Variants in FBXO34 observed in about 807,000 individuals in gnomAD.
FBXO34 encodes F-box protein 34, also known as F-box only protein 34.
FBXO34 carries 12 observed loss-of-function variants against 24.5 expected under a neutral mutation model. That is an observed-to-expected ratio of 0.49 (90% CI 0.31 to 0.79). FBXO34 has a LOEUF of 0.79. Ranked by LOEUF, FBXO34 falls within the 30% of genes least tolerant of loss-of-function variation. The pLI is 0.04. For missense variants in FBXO34, 823 were observed against 857.7 expected (o/e 0.96, Z 0.51); for synonymous variants, 320 against 311.9 (o/e 1.03, Z -0.27).
intron 1 of FBXO34, among the ~76,000 whole-genome samples, chr14:55,347,451 C>T (rs1884195743): frequency 6.6e-6 from 1 of 152,176 alleles, no homozygotes; most frequent in Admixed American, 6.6e-5. Flanking sequence ...CTATTTTCTG[C>T]CTCAGGGCTC....
Position 55,351,603 on chromosome 14 carries a change from G to T in FBXO34, c.1213G>T (p.Val405Leu). ...TAVKNSNRYD[V>L]EMTDELVGLP... ...CGTGAAAAACAGCAACAGATATGAT[G>T]TGGAAATGACAGATGAACTCGTTGG... The change falls in exon 2 of 2, where the codon GTG becomes TTG. Residue 405 changes from valine (V) to leucine (L), a missense_variant. Physicochemically the swap from Val to Leu is conservative, Grantham distance 32 (BLOSUM62 1). This residue lies in a region of FBXO34 where 693 missense variants were observed against 659.1 expected (regional missense o/e 1.05). Coordinates refer to ENST00000313833, the MANE Select transcript of FBXO34 (RefSeq NM_017943.4). 6.2e-7 allele frequency: 1 copy of T among 1,614,234 alleles called. No individual in the cohort carries two copies. The highest frequency in any genetic ancestry group is 8.5e-7 in the Non-Finnish European group (1 of 1,180,040).
At chr14:55,385,290 T>C in the FBXO34 span, among the ~76,000 whole-genome samples, 1 of 151,090 alleles carries the variant, frequency 6.6e-6, no homozygotes, top group Admixed American at 6.6e-5. Context: ...GGTTCTCTGG[T>C]TTTTTTTTGT....
the FBXO34 span, among the ~76,000 whole-genome samples, chr14:55,429,784 A>G: frequency 2.0e-5 from 3 of 150,972 alleles, no homozygotes; most frequent in Non-Finnish European, 3.0e-5. Context: ...AAAAAAAAAA[A>G]AAAAAGAAAA....
chr14:55,311,983 C>T lies in FBXO34; in HGVS notation c.-10-38398C>T, dbSNP rs371481412. On this transcript the variant is annotated intron_variant, in intron 1 of 1. Transcript: ENST00000313833. ...TTGGGAGGCTGAGGCAGGCAGATCA[C>T]GAGGTAAGGCGTTCGAGACCAGCCT... Among the ~76,000 whole-genome samples, 59 of 152,266 alleles carry T rather than the reference C, an allele frequency of 3.9e-4. 1 individual carries two copies. Among genetic ancestry groups the T allele is most frequent in the African/African-American group, 1.2e-3 (50 of 41,558 alleles).
chr14:55,408,474 C>G, the FBXO34 span, among the ~76,000 whole-genome samples: 1 of 151,664 alleles, frequency 6.6e-6, no homozygotes, highest in African/African-American at 2.4e-5. Context: ...AACAAACTTC[C>G]TCAAACTCAC....
At chr14:55,298,082 C>T (rs1882201989) in intron 1 of FBXO34, among the ~76,000 whole-genome samples, 1 of 152,244 alleles carries the variant, frequency 6.6e-6, no homozygotes, top group Non-Finnish European at 1.5e-5. Flanking sequence ...ACCACGCCCT[C>T]TGCTGAGTGT....
downstream of FBXO34, among the ~76,000 whole-genome samples, chr14:55,362,795 G>A (rs1884610100): frequency 1.3e-5 from 2 of 151,474 alleles, no homozygotes; most frequent in Admixed American, 6.6e-5. Context: ...TTCCCAAATT[G>A]AGAGCAACAT....
intron 1 of FBXO34, among the ~76,000 whole-genome samples, chr14:55,308,884 T>C (rs1882641208): frequency 6.6e-6 from 1 of 152,220 alleles, no homozygotes; most frequent in Admixed American, 6.5e-5. Context: ...GTAGCATTTC[T>C]TTCTAACCAC....
intron 1 of FBXO34, among the ~76,000 whole-genome samples, chr14:55,336,363 A>C (rs1051684726): frequency 1.4e-4 from 21 of 152,356 alleles, no homozygotes; most frequent in African/African-American, 4.8e-4. Flanking sequence ...ACTGCATCAG[A>C]CAGCCTGGGG....
At chr14:55,392,927 T>A in the FBXO34 span, among the ~76,000 whole-genome samples, 1 of 152,128 alleles carries the variant, frequency 6.6e-6, no homozygotes, top group African/African-American at 2.4e-5. Context: ...TATCCTCAAT[T>A]TTAAAAGGTA....
At chr14:55,385,848 G>A in the FBXO34 span, 1 of 1,590,106 alleles carries the variant, frequency 6.3e-7, no homozygotes, top group East Asian at 2.2e-5. Flanking sequence ...CAAAAGACTT[G>A]CTTAATGTAC....
the FBXO34 span, among the ~76,000 whole-genome samples, chr14:55,391,558 T>G: frequency 6.6e-6 from 1 of 151,766 alleles, no homozygotes; most frequent in African/African-American, 2.4e-5. Context: ...GAGAAAAAAG[T>G]TGAAGGACAT....
the FBXO34 span, chr14:55,411,771 C>T: frequency 6.2e-7 from 1 of 1,605,642 alleles, no homozygotes; most frequent in Non-Finnish European, 8.5e-7. Flanking sequence ...GGCCGGGGCC[C>T]GCAGCCAGGA....
At chr14:55,285,372 GA>G (rs767378503) in intron 1 of FBXO34, 221 of 139,538 alleles carry the variant, frequency 1.6e-3, no homozygotes, top group South Asian at 1.8e-3. Context: ...CTCTGTCTCA[GA>G]AAAAAAAAAA....
At chr14:55,296,688 G>A (rs114711604) in intron 1 of FBXO34, among the ~76,000 whole-genome samples, 2,979 of 152,032 alleles carry the variant, frequency 0.02, 73 homozygotes, top group African/African-American at 0.068. Flanking sequence ...GAGCCACTGC[G>A]CCTGGCCGCT....
chr14:55,419,301 A>T, the FBXO34 span, among the ~76,000 whole-genome samples: 1 of 152,242 alleles, frequency 6.6e-6, no homozygotes, highest in Non-Finnish European at 1.5e-5. Flanking sequence ...AGTACAACTC[A>T]CAGAGTTAAC....
chr14:55,317,300 G>A (rs1882965227), intron 1 of FBXO34, among the ~76,000 whole-genome samples: 1 of 152,094 alleles, frequency 6.6e-6, no homozygotes, highest in Non-Finnish European at 1.5e-5. Flanking sequence ...AGTTAAATAA[G>A]TTATATAAAA....
the FBXO34 span, among the ~76,000 whole-genome samples, chr14:55,430,218 C>G: frequency 4.0e-3 from 613 of 152,074 alleles, 2 homozygotes; most frequent in Non-Finnish European, 6.7e-3. Flanking sequence ...GGGTTTGGCC[C>G]TATTTTTAGG....
downstream of FBXO34, among the ~76,000 whole-genome samples, chr14:55,364,727 C>CTTT (rs534426436): frequency 2.5e-4 from 32 of 130,046 alleles, no homozygotes; most frequent in African/African-American, 6.0e-4. Flanking sequence ...CAGTGCCCAA[C>CTTT]TTTTTTTTTT....
Sources: allele counts gnomAD v4.1 joint callset (sites outside exome capture counted in the v4.1 genomes callset), GRCh38; gene constraint gnomAD v4.1.1; regional missense constraint gnomAD v4.1.1; transcripts MANE v1.5; gene names NCBI Gene and HGNC (gene_info 2026-07-23, HGNC 2026-07-21).